Variants in PCDHGA10 observed in about 807,000 individuals in gnomAD.
The protein encoded by PCDHGA10 is protocadherin gamma-A10.
Under a neutral mutation model 59.5 loss-of-function variants are expected in PCDHGA10, and 42 were observed. That is an observed-to-expected ratio of 0.71 (90% CI 0.55 to 0.91). The LOEUF (loss-of-function observed/expected upper bound fraction) is 0.91. Ranked by LOEUF, PCDHGA10 falls within the 40% of genes least tolerant of loss-of-function variation. The pLI is 0.00. For synonymous variants in PCDHGA10, 511 were observed against 517.2 expected (o/e 0.99, Z 0.16); for missense variants, 1,111 against 1,198.2 (o/e 0.93, Z 1.07).
intron 1 of PCDHGA10, among the ~76,000 whole-genome samples, chr5:141,484,009 T>A (rs1157069536): frequency 7.1e-5 from 1 of 14,094 alleles, no homozygotes; most frequent in African/African-American, 2.8e-4. Flanking sequence ...TGGATGAGGG[T>A]GGGGGTGGGG....
Position 141,415,069 on chromosome 5 carries a change from A to G in PCDHGA10, c.1894A>G (p.Thr632Ala), listed in dbSNP as rs1323441877. 18 of 1,613,420 alleles carry G rather than the reference A, an allele frequency of 1.1e-5. No homozygotes were observed. The highest frequency in any genetic ancestry group is 1.5e-5 in the Non-Finnish European group (18 of 1,179,942). Residue 632 changes from threonine to alanine, a missense_variant, in exon 1 of 4, where the codon ACG (threonine) becomes GCG (alanine). Coordinates refer to ENST00000398610, the MANE Select transcript of PCDHGA10 (RefSeq NM_018913.3). ...AVGEHTGEVR[T>A]ARALLDRDAL... ...GGGGGAGCACACGGGCGAGGTGCGC[A>G]CGGCGCGAGCCCTGCTGGACAGAGA... is the stretch of plus-strand genomic sequence containing the variant.
chr5:141,482,890 G>C (rs577635020), intron 1 of PCDHGA10, among the ~76,000 whole-genome samples: 10 of 152,274 alleles, frequency 6.6e-5, no homozygotes, highest in African/African-American at 2.4e-4. Flanking sequence ...TGGCCAACAT[G>C]GTGAAACCTC....
intron 2 of PCDHGA10, among the ~76,000 whole-genome samples, chr5:141,504,280 C>T (rs1027657223): frequency 6.6e-6 from 1 of 152,076 alleles, no homozygotes; most frequent in Admixed American, 6.6e-5. Context: ...AATTATGAAT[C>T]ATTTCATGTT....
intron 1 of PCDHGA10, chr5:141,426,449 G>A (rs1449929836): frequency 1.6e-5 from 5 of 307,646 alleles, no homozygotes; most frequent in East Asian, 8.0e-5. Flanking sequence ...GAGGACATGC[G>A]GCTGCATGTT....
At chr5:141,461,663 G>C (rs1230719552) in intron 1 of PCDHGA10, among the ~76,000 whole-genome samples, 1 of 151,984 alleles carries the variant, frequency 6.6e-6, no homozygotes, top group Admixed American at 6.6e-5. Flanking sequence ...TTATTTTAAA[G>C]TTTGTTATTT....
intron 3 of PCDHGA10, chr5:141,508,363 A>G (rs996562348): frequency 1.3e-5 from 2 of 152,230 alleles, no homozygotes; most frequent in Non-Finnish European, 2.9e-5. Flanking sequence ...TGGCAATCCA[A>G]CTTCTTCCCC....
intron 3 of PCDHGA10, among the ~76,000 whole-genome samples, chr5:141,506,116 A>T: frequency 6.6e-6 from 1 of 152,136 alleles, no homozygotes; most frequent in East Asian, 1.9e-4. Flanking sequence ...AAGAGTCACT[A>T]GGGCCCAGAG....
intron 2 of PCDHGA10, among the ~76,000 whole-genome samples, chr5:141,496,767 T>C (rs2099771224): frequency 6.6e-6 from 1 of 152,040 alleles, no homozygotes; most frequent in Non-Finnish European, 1.5e-5. Flanking sequence ...ATCGAGCATC[T>C]ACTATGAGCA....
Position 141,491,140 on chromosome 5 carries a change from T to A in PCDHGA10, c.2437-3667T>A, listed in dbSNP as rs1392575961. On this transcript the variant is annotated intron_variant, in intron 1 of 3. Coordinates refer to ENST00000398610, the MANE Select transcript of PCDHGA10 (RefSeq NM_018913.3). This position sits in a 1 kb window ranked among gnomAD's most constrained non-coding sequence, Gnocchi z 6.9. ...TGGTGAGGTGCGCACAGCCCGGGCC[T>A]TACTGGAGGATGACTCTGACACCCA... 2 of 1,614,110 alleles carry A rather than the reference T, an allele frequency of 1.2e-6. No individual in the cohort carries two copies. Among genetic ancestry groups the A allele is most frequent in the Non-Finnish European group, 1.7e-6 (2 of 1,179,992 alleles).
chr5:141,431,554 C>G lies in PCDHGA10; in HGVS notation c.2436+15943C>G. 1 of 1,614,126 alleles carries G rather than the reference C, an allele frequency of 6.2e-7. No homozygotes were observed. The highest frequency in any genetic ancestry group is 1.7e-5 in the Admixed American group (1 of 60,032). ...TGGGCACGCAGCTGCTTGTAGTCAA[C>G]GCTACCGACCCTGACGAAGGAGTCA... is the stretch of plus-strand genomic sequence containing the variant. On this transcript the variant is annotated intron_variant, in intron 1 of 3. Coordinates refer to ENST00000398610, the MANE Select transcript of PCDHGA10 (RefSeq NM_018913.3). This position sits in a 1 kb window ranked among gnomAD's most constrained non-coding sequence, Gnocchi z 4.8.
chr5:141,512,897 C>T lies in PCDHGA10; in HGVS notation c.*1724C>T, dbSNP rs1482341871. ...CTCCCACCCCACCCTCTTCCTGTGT[C>T]TCACGCAAGTTTTATACTCTAATAT... On this transcript the variant is annotated 3_prime_UTR_variant, in exon 4 of 4. Coordinates refer to ENST00000398610, the MANE Select transcript of PCDHGA10 (RefSeq NM_018913.3). 1.3e-5 allele frequency: 2 copies of T among 152,274 alleles called. No homozygotes were observed. The highest frequency in any genetic ancestry group is 4.8e-5 in the African/African-American group (2 of 41,470). The allele number at this position is 152,274 out of a possible 1,614,324, so 9.4% of individuals were successfully genotyped here. A position where few individuals can be genotyped will look rare whatever the true frequency, so the allele number is the denominator to read the frequency against.
intron 2 of PCDHGA10, among the ~76,000 whole-genome samples, chr5:141,505,146 A>G (rs2099844101): frequency 6.6e-6 from 1 of 152,190 alleles, no homozygotes; most frequent in Non-Finnish European, 1.5e-5. Flanking sequence ...TGGATGACAG[A>G]GTAAGACCCT....
chr5:141,494,926 G>T, intron 2 of PCDHGA10, 61 bp downstream of exon 2: 1 of 1,613,498 alleles, frequency 6.2e-7, no homozygotes, highest in Non-Finnish European at 8.5e-7. Flanking sequence ...GGATGACGTG[G>T]GAGGAGATGG....
chr5:141,507,296 C>T (rs1020117646), intron 3 of PCDHGA10: 1 of 141,360 alleles, frequency 7.1e-6, no homozygotes, highest in Non-Finnish European at 1.5e-5. Flanking sequence ...TCAAATGTTG[C>T]ATGAGACATA....
rs766182165 is a variant in PCDHGA10 at position 141,478,048 on chromosome 5, C to T, written c.2437-16759C>T. ...ACACAGATTCACCCAGGCAGACTCT[C>T]ACGGTCTTGATCAAAGACAATGGGG... On this transcript the variant is annotated intron_variant, in intron 1 of 3. Transcript: ENST00000398610. 5.6e-6 allele frequency: 9 copies of T among 1,614,040 alleles called. No homozygotes were observed. In the Admixed American group the frequency reaches 1.0e-4, roughly 18 times the overall value.
rs1219045744 is a variant in PCDHGA10 at position 141,476,783 on chromosome 5, G to T, written c.2437-18024G>T. The stretch of plus-strand genomic sequence containing the variant: ...GACGGCGTTGGACGGAGGGACCCCA[G>T]CTCTCTCCGCCAGCCTGCCTATTCA... On this transcript the variant is annotated intron_variant, in intron 1 of 3. Transcript: ENST00000398610. The surrounding 1 kb of genome is among the most constrained non-coding windows in gnomAD (Gnocchi z 7.6). 5 of 1,613,392 alleles carry T rather than the reference G, an allele frequency of 3.1e-6. No homozygotes were observed. The highest frequency in any genetic ancestry group is 2.7e-5 in the African/African-American group (2 of 74,930).
intron 1 of PCDHGA10, among the ~76,000 whole-genome samples, chr5:141,470,430 T>C (rs994304635): frequency 6.6e-6 from 1 of 152,232 alleles, no homozygotes; most frequent in Non-Finnish European, 1.5e-5. Flanking sequence ...TTTCCTTGTG[T>C]GCAATAATTT....
At chr5:141,448,692 G>A (rs913533738) in intron 1 of PCDHGA10, among the ~76,000 whole-genome samples, 6 of 152,072 alleles carry the variant, frequency 3.9e-5, no homozygotes, top group African/African-American at 9.7e-5. Context: ...TGTAATCGCA[G>A]CACTTTGGGA....
Position 141,415,083 on chromosome 5 carries a change from G to A in PCDHGA10, c.1908G>A (p.Leu636=), listed in dbSNP as rs747351388. 4 of 1,613,514 alleles carry A rather than the reference G, an allele frequency of 2.5e-6. No individual in the cohort carries two copies. The highest frequency in any genetic ancestry group is 3.4e-6 in the Non-Finnish European group (4 of 1,179,958). Residue 636 remains leucine (L), a synonymous_variant, in exon 1 of 4, where the codon CTG becomes CTA. Transcript: ENST00000398610. ...GCGAGGTGCGCACGGCGCGAGCCCT[G>A]CTGGACAGAGACGCGCTCAAGCAAA... ...HTGEVRTARA[L]LDRDALKQSL...
Sources: gnomAD v4.1 joint callset for allele counts (sites outside exome capture counted in the v4.1 genomes callset) on GRCh38, gnomAD v4.1.1 for gene constraint, Gnocchi (gnomAD v3.1) non-coding constraint, MANE v1.5 for transcripts, NCBI Gene and HGNC (gene_info 2026-07-23, HGNC 2026-07-21) for gene names.